TMEM38B: variants seen among roughly 807,000 people sequenced by gnomAD.
TMEM38B encodes transmembrane protein 38B.
Under a neutral mutation model 28.7 loss-of-function variants are expected in TMEM38B, and 24 were observed. That is an observed-to-expected ratio of 0.84 (90% CI 0.61 to 1.18). The LOEUF (loss-of-function observed/expected upper bound fraction) is 1.18. TMEM38B is among the 50% of genes most tolerant of loss of function. The pLI is 0.00. For synonymous variants in TMEM38B, 131 were observed against 127.7 expected (o/e 1.03, Z -0.17); for missense variants, 380 against 350.9 (o/e 1.08, Z -0.66).
chr9:105,753,190 A>T (rs1837720810), intron 5 of TMEM38B, among the ~76,000 whole-genome samples: 1 of 152,186 alleles, frequency 6.6e-6, no homozygotes, highest in South Asian at 2.1e-4. Flanking sequence ...AGAACCTATG[A>T]TTGGAGTACT....
intron 5 of TMEM38B, among the ~76,000 whole-genome samples, chr9:105,773,158 T>C (rs940600134): frequency 2.0e-5 from 3 of 152,176 alleles, no homozygotes; most frequent in African/African-American, 4.8e-5. Flanking sequence ...GGCATTAGCC[T>C]AATTTCTTGA....
intron 5 of TMEM38B, among the ~76,000 whole-genome samples, chr9:105,762,012 G>A (rs1453408912): frequency 1.3e-5 from 2 of 152,006 alleles, no homozygotes; most frequent in Admixed American, 1.3e-4. Flanking sequence ...CTTGAAGCAA[G>A]TCGCCTTCTA....
intron 1 of TMEM38B, among the ~76,000 whole-genome samples, chr9:105,702,552 C>T (rs559811262): frequency 1.6e-4 from 24 of 152,220 alleles, no homozygotes; most frequent in East Asian, 1.5e-3. Context: ...AACTATTAAG[C>T]GTAGTCTAAT....
rs748805394 is a variant in TMEM38B at position 105,722,604 on chromosome 9, A to G, written c.525A>G (p.Glu175=). 2 of 1,613,444 alleles carry G rather than the reference A, an allele frequency of 1.2e-6. No individual in the cohort carries two copies. Among genetic ancestry groups the G allele is most frequent in the South Asian group, 2.2e-5 (2 of 91,060 alleles). The part of the protein sequence containing the change: ...VKGDWKPEGD[E]WLKMSYPAKV... ...GAGATTGGAAACCAGAAGGTGATGA[A>G]TGGCTGAAGATGTCATAGTAAGTTG... The change falls in exon 4 of 6, where the codon GAA becomes GAG. Residue 175 remains glutamate, a synonymous_variant. Transcript: ENST00000374692.
Position 105,774,296 on chromosome 9 carries a change from A to G in TMEM38B, c.*216A>G, listed in dbSNP as rs1196776463. The G allele has an allele frequency of 2.8e-5, 12 of 421,682 alleles. No individual in the cohort carries two copies. The highest frequency in any genetic ancestry group is 7.3e-5 in the East Asian group (2 of 27,344). The allele number at this position is 421,682 out of a possible 1,614,324, so 26.1% of individuals were successfully genotyped here. On this transcript the variant is annotated 3_prime_UTR_variant, in exon 6 of 6. Coordinates refer to ENST00000374692, the MANE Select transcript of TMEM38B (RefSeq NM_018112.3). The stretch of plus-strand genomic sequence containing the variant: ...TATCATGTGATTATGCTTTACCGGT[A>G]TAAGAGATTCTGTTGTGATTATTTG...
At chr9:105,699,162 AGT>A (rs1835380136) in intron 1 of TMEM38B, among the ~76,000 whole-genome samples, 1 of 152,118 alleles carries the variant, frequency 6.6e-6, no homozygotes, top group South Asian at 2.1e-4. Context: ...AGATGGAGTG[AGT>A]AGCTTGTATT....
intron 2 of TMEM38B, among the ~76,000 whole-genome samples, chr9:105,717,927 C>T (rs1208267161): frequency 6.6e-6 from 1 of 152,128 alleles, no homozygotes; most frequent in South Asian, 2.1e-4. Flanking sequence ...GACAAGAACC[C>T]TGAGACGTAG....
intron 4 of TMEM38B, among the ~76,000 whole-genome samples, chr9:105,744,258 T>C (rs1380921308): frequency 1.3e-5 from 2 of 152,014 alleles, no homozygotes; most frequent in Non-Finnish European, 1.5e-5. Context: ...AAGATAATCC[T>C]GAATAACTTG....
At chr9:105,738,239 G>T (rs778116687) in intron 4 of TMEM38B, among the ~76,000 whole-genome samples, 13 of 152,046 alleles carry the variant, frequency 8.6e-5, no homozygotes, top group Non-Finnish European at 1.8e-4. Flanking sequence ...CCACAGTGGT[G>T]AAGACTGTGG....
At chr9:105,744,197 A>G (rs1448316363) in intron 4 of TMEM38B, among the ~76,000 whole-genome samples, 1 of 152,090 alleles carries the variant, frequency 6.6e-6, no homozygotes, top group African/African-American at 2.4e-5. Context: ...TAAATTAACA[A>G]GAAAAATATA....
At chr9:105,733,223 G>A (rs914672642) in intron 4 of TMEM38B, among the ~76,000 whole-genome samples, 1 of 152,226 alleles carries the variant, frequency 6.6e-6, no homozygotes. Flanking sequence ...GATTTGGGGT[G>A]GAGAGTTCTG....
chr9:105,769,316 G>A (rs923587788), intron 5 of TMEM38B, among the ~76,000 whole-genome samples: 50 of 152,090 alleles, frequency 3.3e-4, no homozygotes, highest in African/African-American at 1.2e-3. Flanking sequence ...TTTTAAATTT[G>A]TATTTTATTT....
chr9:105,716,157 T>A lies in TMEM38B; in HGVS notation c.270-5380T>A, dbSNP rs193040120. On this transcript the variant is annotated intron_variant, in intron 2 of 5. Transcript: ENST00000374692. ...CTGTTCTATTCTGCTCAGGTTTGATTCTTCCCAGTTTCTTCTCAGTGTGGG... is the reference window on the plus strand; with the variant it reads ...CTGTTCTATTCTGCTCAGGTTTGATACTTCCCAGTTTCTTCTCAGTGTGGG... 1.0e-3 allele frequency among the ~76,000 whole-genome samples: 157 copies of A among 152,316 alleles called. 1 individual carries two copies. Among genetic ancestry groups the A allele is most frequent in the African/African-American group, 3.5e-3 (144 of 41,572 alleles).
chr9:105,744,600 TTTTAC>T (rs1239999356), intron 4 of TMEM38B, among the ~76,000 whole-genome samples: 13 of 152,176 alleles, frequency 8.5e-5, no homozygotes, highest in Non-Finnish European at 1.6e-4. Flanking sequence ...TTATTTTTTA[TTTTAC>T]TTTAAGTTTT....
chr9:105,722,641 A>G lies in TMEM38B; in HGVS notation c.542+20A>G, dbSNP rs773479441. 6.3e-7 allele frequency: 1 copy of G among 1,585,108 alleles called. No homozygotes were observed. Among genetic ancestry groups the G allele is most frequent in the South Asian group, 1.1e-5 (1 of 90,322 alleles). Reference sequence around the variant, plus strand: ...GTCATAGTAAGTTGGTATAAATTATACTGAGACCTAGATGTTTATCCTTAG... The same window carrying G: ...GTCATAGTAAGTTGGTATAAATTATGCTGAGACCTAGATGTTTATCCTTAG... On this transcript the variant is annotated intron_variant, in intron 4 of 5. Coordinates refer to ENST00000374692, the MANE Select transcript of TMEM38B (RefSeq NM_018112.3).
chr9:105,698,063 G>A (rs1019525966), intron 1 of TMEM38B, among the ~76,000 whole-genome samples: 1 of 144,638 alleles, frequency 6.9e-6, no homozygotes, highest in Admixed American at 7.0e-5. Context: ...ATCATCCCAC[G>A]TGCATAGACC....
intron 4 of TMEM38B, among the ~76,000 whole-genome samples, chr9:105,745,045 CAT>C (rs1433325707): frequency 6.6e-6 from 1 of 152,182 alleles, no homozygotes; most frequent in African/African-American, 2.4e-5. Flanking sequence ...CCGCAATAAA[CAT>C]ATGTGTGCAT....
chr9:105,759,707 A>C (rs1837964430), intron 5 of TMEM38B: 3 of 1,598,596 alleles, frequency 1.9e-6, no homozygotes, highest in Non-Finnish European at 2.6e-6. Context: ...CCCAAACAGG[A>C]ATTCCTGTTG....
intron 1 of TMEM38B, among the ~76,000 whole-genome samples, chr9:105,703,757 G>A (rs1835540175): frequency 6.6e-6 from 1 of 151,948 alleles, no homozygotes; most frequent in South Asian, 2.1e-4. Flanking sequence ...GTGTGAGATG[G>A]TATCTCATTG....
Sources: gnomAD v4.1 joint callset for allele counts (sites outside exome capture counted in the v4.1 genomes callset) on GRCh38, gnomAD v4.1.1 for gene constraint, MANE v1.5 for transcripts, NCBI Gene and HGNC (gene_info 2026-07-23, HGNC 2026-07-21) for gene names.